SPTLC1: variants seen among roughly 807,000 people sequenced by gnomAD.
The protein encoded by SPTLC1 is serine palmitoyltransferase 1.
A neutral mutation model predicts 68.9 loss-of-function variants in SPTLC1; 55 were observed. That is an observed-to-expected ratio of 0.80 (90% CI 0.64 to 1.00). The LOEUF (loss-of-function observed/expected upper bound fraction) is 1.00, where lower values mean the gene tolerates loss of function less well. Among genes scored for constraint, SPTLC1 ranks in the 50% least tolerant of loss-of-function variants. The probability of loss-of-function intolerance (pLI) is 0.00; values close to 1 mark genes in which losing one functional copy is unlikely to be tolerated. For missense variants in SPTLC1, 449 were observed against 573.1 expected, an observed-to-expected ratio of 0.78 and a Z score of 2.21; for synonymous variants, 197 against 201.6, an observed-to-expected ratio of 0.98 and a Z score of 0.19.
intron 8 of SPTLC1, chr9:92,051,285 T>C (rs748509332): frequency 1.1e-5 from 11 of 984,076 alleles, no homozygotes; most frequent in Non-Finnish European, 1.3e-5. Context: ...TAGATTAAAA[T>C]CTCAATGGCC....
chr9:92,092,022 CAG>C (rs1344188735), intron 3 of SPTLC1, among the ~76,000 whole-genome samples: 4 of 152,180 alleles, frequency 2.6e-5, no homozygotes, highest in Non-Finnish European at 4.4e-5. Flanking sequence ...GAAACAGAGA[CAG>C]AGAATGAATC....
chr9:92,049,243 A>G (rs1833622310), intron 9 of SPTLC1, among the ~76,000 whole-genome samples: 1 of 152,208 alleles, frequency 6.6e-6, no homozygotes, highest in African/African-American at 2.4e-5. Flanking sequence ...TCTGTAACAC[A>G]GGTTGCACAG....
intron 5 of SPTLC1, among the ~76,000 whole-genome samples, chr9:92,069,747 GC>G (rs1834417106): frequency 6.6e-6 from 1 of 152,124 alleles, no homozygotes; most frequent in Non-Finnish European, 1.5e-5. Flanking sequence ...GTATAATGGT[GC>G]TTCTAATTGA....
At chr9:92,113,919 G>C (rs1836334245) in intron 1 of SPTLC1, among the ~76,000 whole-genome samples, 1 of 152,188 alleles carries the variant, frequency 6.6e-6, no homozygotes, top group Non-Finnish European at 1.5e-5. Flanking sequence ...CTAGCATCTA[G>C]ATCTGTGTGG....
intron 4 of SPTLC1, 56 bp downstream of exon 4, chr9:92,080,814 C>A: frequency 7.1e-7 from 1 of 1,416,504 alleles, no homozygotes; most frequent in South Asian, 1.2e-5. Context: ...TCTTTTATGT[C>A]TAGTTTCTTA....
At chr9:92,093,835 G>A (rs1475645059) in intron 3 of SPTLC1, among the ~76,000 whole-genome samples, 1 of 152,154 alleles carries the variant, frequency 6.6e-6, no homozygotes. Context: ...AAACCGGGAG[G>A]TGCTTTACCA....
chr9:92,059,379 T>C (rs1834009363), intron 6 of SPTLC1, 71 bp from the exon 7 acceptor site: 2 of 1,543,150 alleles, frequency 1.3e-6, no homozygotes, highest in African/African-American at 1.4e-5. Context: ...GGAATGCTTG[T>C]TTTTGTAAGC....
At chr9:92,048,004 C>T (rs1293975016) in intron 9 of SPTLC1, among the ~76,000 whole-genome samples, 1 of 152,044 alleles carries the variant, frequency 6.6e-6, no homozygotes, top group East Asian at 1.9e-4. Context: ...CAAAGCTGTT[C>T]GATATTAAAA....
intron 5 of SPTLC1, among the ~76,000 whole-genome samples, chr9:92,070,673 C>T (rs115488298): frequency 0.01 from 1,523 of 152,162 alleles, 25 homozygotes; most frequent in African/African-American, 0.035. Flanking sequence ...TGGTGCCTTC[C>T]TCTGTCAAAT....
intron 6 of SPTLC1, among the ~76,000 whole-genome samples, chr9:92,064,286 C>T (rs982224102): frequency 1.3e-5 from 2 of 151,968 alleles, no homozygotes; most frequent in African/African-American, 4.8e-5. Context: ...AAAGAACTCT[C>T]AAAACTCATT....
intron 6 of SPTLC1, among the ~76,000 whole-genome samples, chr9:92,060,111 C>A (rs755482049): frequency 2.6e-5 from 4 of 152,154 alleles, no homozygotes; most frequent in Non-Finnish European, 5.9e-5. Context: ...AAACCCCCAA[C>A]GATGTCAATG....
intron 7 of SPTLC1, 29 bp from the exon 8 acceptor site, chr9:92,055,523 C>G: frequency 6.2e-7 from 1 of 1,608,234 alleles, no homozygotes; most frequent in Non-Finnish European, 8.5e-7. Context: ...AGACATCTTA[C>G]ATTTCAGTAA....
chr9:92,078,837 T>G (rs1564103087), intron 5 of SPTLC1, among the ~76,000 whole-genome samples: 1 of 152,226 alleles, frequency 6.6e-6, no homozygotes, highest in Non-Finnish European at 1.5e-5. Flanking sequence ...TCTCCTTATC[T>G]GTTTCCAAGA....
intron 12 of SPTLC1, among the ~76,000 whole-genome samples, chr9:92,041,914 A>G (rs967991538): frequency 6.6e-6 from 1 of 152,218 alleles, no homozygotes; most frequent in Non-Finnish European, 1.5e-5. Flanking sequence ...TATGATTTTA[A>G]AAAAAGGCCT....
In SPTLC1 at chr9:92,108,742, T is replaced by G. The variant is rs765909781; in HGVS notation, c.258A>C (p.Ser86=). ...TTCAGGTAGCAAAATCAATTTACCC[T>G]GAAACGATGTTGTAGTTGAGAGCAG... The part of the protein sequence containing the change: ...DHPALNYNIV[S]GPPSHKTVVN... Residue 86 remains serine, a splice_region_variant and synonymous_variant, in exon 3 of 15, where the codon TCA becomes TCC. Transcript: ENST00000262554. 3.1e-6 allele frequency: 5 copies of G among 1,604,812 alleles called. No homozygotes were observed. In the South Asian group the frequency reaches 5.6e-5, roughly 18 times the overall value.
intron 8 of SPTLC1, chr9:92,050,854 C>T (rs1587919404): frequency 5.9e-6 from 1 of 169,074 alleles, no homozygotes. Flanking sequence ...GCTCTGCCAC[C>T]CAGGCTAGAG....
chr9:92,078,484 G>A (rs1413736005), intron 5 of SPTLC1, among the ~76,000 whole-genome samples: 1 of 152,144 alleles, frequency 6.6e-6, no homozygotes, highest in Admixed American at 6.5e-5. Flanking sequence ...TTTTTGAGAT[G>A]GTCTCACTCT....
chr9:92,115,004 G>GTA, intron 1 of SPTLC1: 1 of 481,010 alleles, frequency 2.1e-6, no homozygotes, highest in South Asian at 2.2e-5. Flanking sequence ...TTTATCGTCC[G>GTA]TCTAAACTCT....
At chr9:92,067,506 C>T (rs565158793) in intron 6 of SPTLC1, among the ~76,000 whole-genome samples, 6 of 152,292 alleles carry the variant, frequency 3.9e-5, no homozygotes, top group East Asian at 1.9e-4. Flanking sequence ...CACAGGCACG[C>T]GAGTGTGAAG....
Sources: allele counts gnomAD v4.1 joint callset (sites outside exome capture counted in the v4.1 genomes callset), GRCh38; gene constraint gnomAD v4.1.1; transcripts MANE v1.5; gene names NCBI Gene and HGNC (gene_info 2026-07-23, HGNC 2026-07-21).